DCC: variants seen among roughly 807,000 people sequenced by gnomAD.
The protein encoded by DCC is DCC netrin 1 receptor.
In DCC, 58 loss-of-function variants were observed where a neutral mutation model predicts 172.5. The ratio of observed to expected loss-of-function variants is 0.34; its 90% confidence interval spans 0.27 to 0.42. The LOEUF (loss-of-function observed/expected upper bound fraction) is 0.42, where lower values mean the gene tolerates loss of function less well. Among genes scored for constraint, DCC ranks in the 10% least tolerant of loss-of-function variants. The probability of loss-of-function intolerance (pLI) is 1.00; values close to 1 mark genes in which losing one functional copy is unlikely to be tolerated. For synonymous variants in DCC, 709 were observed against 644.5 expected (o/e 1.10, Z -1.52); for missense variants, 1,740 against 1,791.0 (o/e 0.97, Z 0.51).
chr18:52,580,969 A>C (rs1381187147), intron 1 of DCC, among the ~76,000 whole-genome samples: 1 of 152,060 alleles, frequency 6.6e-6, no homozygotes, highest in Non-Finnish European at 1.5e-5. Context: ...GTATCTGTTC[A>C]ATGTGTTCAG....
intron 5 of DCC, among the ~76,000 whole-genome samples, chr18:52,985,469 C>A (rs1364439395): frequency 6.6e-6 from 1 of 152,002 alleles, no homozygotes; most frequent in Admixed American, 6.6e-5. Context: ...TGTAGATAGG[C>A]AATGTTTCAT....
chr18:53,191,465 T>C (rs1035198906), intron 9 of DCC, among the ~76,000 whole-genome samples: 9 of 152,192 alleles, frequency 5.9e-5, no homozygotes, highest in Admixed American at 5.9e-4. Flanking sequence ...TAAAAATATT[T>C]AATTTTGTAG....
intron 5 of DCC, among the ~76,000 whole-genome samples, chr18:52,942,083 C>T (rs757809157): frequency 9.2e-5 from 14 of 152,086 alleles, no homozygotes; most frequent in Non-Finnish European, 1.5e-5. Flanking sequence ...GCGCCTGGCC[C>T]ATTTTCTGAT....
intron 1 of DCC, among the ~76,000 whole-genome samples, chr18:52,746,924 A>AG (rs2036914209): frequency 6.6e-6 from 1 of 151,120 alleles, no homozygotes; most frequent in South Asian, 2.1e-4. Context: ...AAAAAAAAAA[A>AG]GGAGGAGAAG....
chr18:52,736,278 C>T (rs201241135), intron 1 of DCC, among the ~76,000 whole-genome samples: 1 of 118,962 alleles, frequency 8.4e-6, no homozygotes, highest in Non-Finnish European at 1.8e-5. Flanking sequence ...TTACTGTAAA[C>T]ATAAAAAAAA....
intron 1 of DCC, among the ~76,000 whole-genome samples, chr18:52,612,697 C>T (rs764224689): frequency 4.6e-5 from 7 of 152,136 alleles, no homozygotes; most frequent in Non-Finnish European, 8.8e-5. Context: ...GGTTGTTCCT[C>T]TTGTATTGTA....
At position 53,157,444 on chromosome 18, in the gene DCC, C is replaced by A. The variant is rs745799722; in HGVS notation, c.1350C>A (p.Arg450=). The A allele has an allele frequency of 1.4e-5, 22 of 1,614,142 alleles. No individual in the cohort carries two copies. The Admixed American group carries it at 3.5e-4, about 26-fold the overall frequency. ...GCCGATTTGTCCGTCTCAGCTGGCGCCCACCTGCAGAAGCGAAAGGGAACA... is the reference window on the plus strand; with the variant it reads ...GCCGATTTGTCCGTCTCAGCTGGCGACCACCTGCAGAAGCGAAAGGGAACA... The part of the protein sequence containing the change: ...VSSRFVRLSW[R]PPAEAKGNIQ... The change falls in exon 8 of 29, where the codon CGC becomes CGA. Residue 450 remains arginine, a synonymous_variant. Coordinates refer to ENST00000442544, the MANE Select transcript of DCC (RefSeq NM_005215.4).
At chr18:53,240,050 A>G (rs1449753114) in intron 12 of DCC, among the ~76,000 whole-genome samples, 1 of 140,570 alleles carries the variant, frequency 7.1e-6, no homozygotes, top group Non-Finnish European at 1.5e-5. Context: ...AAAAAAAAAA[A>G]CAACAAAACA....
At chr18:53,087,219 C>T (rs2042926980) in intron 7 of DCC, among the ~76,000 whole-genome samples, 1 of 152,052 alleles carries the variant, frequency 6.6e-6, no homozygotes, top group African/African-American at 2.4e-5. Flanking sequence ...GTCCCACCAA[C>T]AGTGTAAAAG....
At chr18:52,388,292 C>T (rs1367449059) in intron 1 of DCC, among the ~76,000 whole-genome samples, 1 of 151,972 alleles carries the variant, frequency 6.6e-6, no homozygotes, top group Non-Finnish European at 1.5e-5. Context: ...AATGTCTTTC[C>T]AGCTCTAAAA....
At chr18:52,941,867 C>G (rs886651465) in intron 5 of DCC, among the ~76,000 whole-genome samples, 1 of 152,116 alleles carries the variant, frequency 6.6e-6, no homozygotes, top group Non-Finnish European at 1.5e-5. Flanking sequence ...ACTGCAATCT[C>G]TGCCTGCCAG....
intron 27 of DCC, among the ~76,000 whole-genome samples, chr18:53,515,624 C>CA (rs1306625192): frequency 2.1e-5 from 3 of 144,418 alleles, no homozygotes; most frequent in Non-Finnish European, 3.0e-5. Flanking sequence ...AATCAATGTA[C>CA]AAAAATCACA....
chr18:53,216,406 C>A (rs183651629), intron 12 of DCC, among the ~76,000 whole-genome samples: 15 of 152,244 alleles, frequency 9.9e-5, no homozygotes, highest in African/African-American at 3.6e-4. Flanking sequence ...AGAAATGATA[C>A]AGGTCTTAGA....
chr18:52,837,374 C>T (rs571966619), intron 2 of DCC, among the ~76,000 whole-genome samples: 9 of 152,164 alleles, frequency 5.9e-5, no homozygotes, highest in Non-Finnish European at 1.2e-4. Flanking sequence ...CTTTTCCAAA[C>T]TTTTATGCTC....
At chr18:52,859,204 A>G (rs1319422244) in intron 2 of DCC, among the ~76,000 whole-genome samples, 3 of 152,308 alleles carry the variant, frequency 2.0e-5, no homozygotes, top group Non-Finnish European at 2.9e-5. Context: ...TAAGATCACA[A>G]AACTAGTTGT....
chr18:53,377,193 C>G (rs891345342), intron 15 of DCC, among the ~76,000 whole-genome samples: 10 of 152,118 alleles, frequency 6.6e-5, no homozygotes, highest in Non-Finnish European at 1.3e-4. Flanking sequence ...GATGTTATAA[C>G]AGAATATCTG....
chr18:52,371,490 C>T (rs142533753), intron 1 of DCC, among the ~76,000 whole-genome samples: 1,543 of 152,244 alleles, frequency 0.01, 18 homozygotes, highest in South Asian at 0.021. Context: ...CGTTAGTGAA[C>T]GTTTACTAAG....
intron 8 of DCC, among the ~76,000 whole-genome samples, chr18:53,166,617 C>G (rs73960210): frequency 0.016 from 2,508 of 152,232 alleles, 80 homozygotes; most frequent in African/African-American, 0.057. Flanking sequence ...CCATTTGTTA[C>G]GTAACTAGTC....
intron 14 of DCC, among the ~76,000 whole-genome samples, chr18:53,339,364 C>G (rs1283544590): frequency 6.6e-6 from 1 of 152,014 alleles, no homozygotes; most frequent in Non-Finnish European, 1.5e-5. Context: ...ATTTTCCAGT[C>G]TATTATTCTT....
Sources: gnomAD v4.1 joint callset for allele counts (sites outside exome capture counted in the v4.1 genomes callset) on GRCh38, gnomAD v4.1.1 for gene constraint, MANE v1.5 for transcripts, NCBI Gene and HGNC (gene_info 2026-07-23, HGNC 2026-07-21) for gene names.